CCDC7: variants seen among roughly 807,000 people sequenced by gnomAD.
CCDC7 encodes the protein coiled-coil domain containing 7.
A neutral mutation model predicts 196.9 loss-of-function variants in CCDC7; 183 were observed. That is an observed-to-expected ratio of 0.93 (90% CI 0.82 to 1.05). The LOEUF is 1.05. CCDC7 is among the 50% of genes least tolerant of loss of function. The pLI is 0.00. For missense variants in CCDC7, 1,540 were observed against 1,482.2 expected, an observed-to-expected ratio of 1.04 and a Z score of -0.64; for synonymous variants, 525 against 484.6, an observed-to-expected ratio of 1.08 and a Z score of -1.10.
intron 9 of CCDC7, among the ~76,000 whole-genome samples, chr10:32,504,817 T>C (rs570556621): frequency 7.2e-5 from 11 of 152,344 alleles, no homozygotes; most frequent in African/African-American, 2.6e-4. Context: ...TGTTTTGTGG[T>C]CTAACACATA....
chr10:32,844,545 A>G (rs1390721408), intron 33 of CCDC7, among the ~76,000 whole-genome samples: 1 of 151,876 alleles, frequency 6.6e-6, no homozygotes, highest in Non-Finnish European at 1.5e-5. Flanking sequence ...GTTATGTTTT[A>G]TCTCACCAGG....
At chr10:32,718,231 A>G (rs187651887) in intron 25 of CCDC7, among the ~76,000 whole-genome samples, 1 of 152,314 alleles carries the variant, frequency 6.6e-6, no homozygotes, top group Non-Finnish European at 1.5e-5. Flanking sequence ...GGTTCAACAT[A>G]TGCAAATCAA....
intron 15 of CCDC7, among the ~76,000 whole-genome samples, chr10:32,570,111 G>T (rs2057368338): frequency 6.6e-6 from 1 of 152,034 alleles, no homozygotes; most frequent in Non-Finnish European, 1.5e-5. Flanking sequence ...GTTTCAATGG[G>T]CTTCAAACAT....
intron 26 of CCDC7, among the ~76,000 whole-genome samples, chr10:32,728,034 C>A (rs2083375896): frequency 6.6e-6 from 1 of 152,102 alleles, no homozygotes; most frequent in African/African-American, 2.4e-5. Flanking sequence ...GCGATCAGAG[C>A]CCAAGCAATC....
intron 16 of CCDC7, 76 bp downstream of exon 17, chr10:32,571,969 C>G: frequency 5.3e-6 from 7 of 1,328,026 alleles, no homozygotes; most frequent in Non-Finnish European, 7.0e-6. Flanking sequence ...ATGAAAATAA[C>G]CATTCTAAAT....
chr10:32,771,490 A>T (rs182389608), intron 28 of CCDC7, among the ~76,000 whole-genome samples: 11 of 152,298 alleles, frequency 7.2e-5, no homozygotes, highest in South Asian at 6.2e-4. Context: ...CTGCTGAGAA[A>T]TCTGCTGTTA....
At chr10:32,498,013 A>G (rs1010634558) in intron 9 of CCDC7, among the ~76,000 whole-genome samples, 1 of 152,114 alleles carries the variant, frequency 6.6e-6, no homozygotes, top group Middle Eastern at 3.2e-3. Flanking sequence ...TCCCACAATA[A>G]TTGTGTGGGA....
intron 18 of CCDC7, among the ~76,000 whole-genome samples, chr10:32,631,865 T>G (rs946356721): frequency 6.6e-6 from 1 of 152,096 alleles, no homozygotes; most frequent in Non-Finnish European, 1.5e-5. Flanking sequence ...TATACTTATT[T>G]TTTTAAAAGT....
At chr10:32,457,369 A>G (rs993281834) in intron 3 of CCDC7, among the ~76,000 whole-genome samples, 16 of 152,158 alleles carry the variant, frequency 1.1e-4, no homozygotes, top group African/African-American at 3.9e-4. Flanking sequence ...TTTGGAACTG[A>G]AAGTGGCTGA....
intron 28 of CCDC7, among the ~76,000 whole-genome samples, chr10:32,778,430 A>G (rs1444766910): frequency 1.3e-5 from 2 of 152,164 alleles, no homozygotes; most frequent in Non-Finnish European, 2.9e-5. Context: ...AGCATCATTT[A>G]TTGAGTAAGG....
At chr10:32,695,033 TA>T in intron 24 of CCDC7, 41 bp downstream of exon 25, 1 of 1,061,052 alleles carries the variant, frequency 9.4e-7, no homozygotes, top group Non-Finnish European at 1.3e-6. Flanking sequence ...ATTTTAAAGT[TA>T]ATCTCATTAG....
intron 27 of CCDC7, 67 bp from the exon 29 acceptor site, chr10:32,729,265 G>T: frequency 7.1e-7 from 1 of 1,413,716 alleles, no homozygotes; most frequent in Non-Finnish European, 9.6e-7. Flanking sequence ...ACTTCCATGG[G>T]TTGAAATTCT....
intron 11 of CCDC7, among the ~76,000 whole-genome samples, chr10:32,523,343 C>G (rs913123828): frequency 1.3e-5 from 2 of 152,020 alleles, no homozygotes; most frequent in African/African-American, 4.8e-5. Flanking sequence ...CTCAGGAGTT[C>G]AAAACCAGCC....
intron 30 of CCDC7, 76 bp downstream of exon 31, chr10:32,805,174 C>G: frequency 1.0e-6 from 1 of 985,932 alleles, no homozygotes; most frequent in South Asian, 1.4e-5. Flanking sequence ...TCCTTAATAG[C>G]AATGGTGCCC....
intron 18 of CCDC7, among the ~76,000 whole-genome samples, chr10:32,610,161 G>A (rs1355539454): frequency 6.6e-6 from 1 of 152,130 alleles, no homozygotes; most frequent in Non-Finnish European, 1.5e-5. Context: ...CTGGAGTGCA[G>A]TGGCACGATC....
intron 13 of CCDC7, among the ~76,000 whole-genome samples, chr10:32,558,335 G>A (rs2054708024): frequency 1.3e-5 from 2 of 151,826 alleles, no homozygotes; most frequent in East Asian, 1.9e-4. Context: ...CTATGTTTAG[G>A]TAGCAGCTCA....
chr10:32,576,991 G>A (rs1378104785), intron 16 of CCDC7, among the ~76,000 whole-genome samples: 1 of 152,032 alleles, frequency 6.6e-6, no homozygotes, highest in Admixed American at 6.6e-5. Flanking sequence ...TATAAACATA[G>A]AATATAAGAA....
intron 28 of CCDC7, among the ~76,000 whole-genome samples, chr10:32,741,628 A>G (rs555720612): frequency 6.6e-6 from 1 of 152,330 alleles, no homozygotes; most frequent in Non-Finnish European, 1.5e-5. Flanking sequence ...CACAGTTCAA[A>G]CTCATGTTGT....
At chr10:32,483,672 A>T (rs2040427899) in intron 8 of CCDC7, among the ~76,000 whole-genome samples, 1 of 152,248 alleles carries the variant, frequency 6.6e-6, no homozygotes, top group South Asian at 2.1e-4. Flanking sequence ...TGATTTTTGT[A>T]TAAGGTGTAA....
Sources: allele counts gnomAD v4.1 joint callset (sites outside exome capture counted in the v4.1 genomes callset), GRCh38; gene constraint gnomAD v4.1.1; transcripts MANE v1.5; gene names NCBI Gene and HGNC (gene_info 2026-07-23, HGNC 2026-07-21).